Variants in HIVEP3 observed in about 807,000 individuals in gnomAD.
The protein encoded by HIVEP3 is HIVEP zinc finger 3, also known as transcription factor HIVEP3.
Under a neutral mutation model 152.8 loss-of-function variants are expected in HIVEP3, and 49 were observed. The ratio of observed to expected loss-of-function variants is 0.32; its 90% CI spans 0.26 to 0.41. The LOEUF is 0.41. Among genes scored for constraint, HIVEP3 ranks in the 10% least tolerant of loss-of-function variants. HIVEP3 has a pLI of 1.00. For synonymous variants in HIVEP3, 1,269 were observed against 1,289.0 expected, an observed-to-expected ratio of 0.98 and a Z score of 0.33; for missense variants, 2,790 against 3,103.3, an observed-to-expected ratio of 0.90 and a Z score of 2.40.
At chr1:42,017,453 C>T (rs1273734914) in intron 1 of HIVEP3, among the ~76,000 whole-genome samples, 1 of 152,130 alleles carries the variant, frequency 6.6e-6, no homozygotes, top group Admixed American at 6.5e-5. Context: ...TAAAAGTCCC[C>T]TTAATTCCCG....
intron 5 of HIVEP3, among the ~76,000 whole-genome samples, chr1:41,572,188 G>C (rs1644260055): frequency 6.6e-6 from 1 of 152,190 alleles, no homozygotes; most frequent in Non-Finnish European, 1.5e-5. Flanking sequence ...ATGCTCAGGA[G>C]GCATCAAAAC....
chr1:41,597,779 T>C (rs1180996527), intron 3 of HIVEP3, among the ~76,000 whole-genome samples: 1 of 152,204 alleles, frequency 6.6e-6, no homozygotes, highest in African/African-American at 2.4e-5. Context: ...GTTAACCTTT[T>C]TTTACCTTTC....
chr1:41,774,798 T>C (rs1183330022), intron 1 of HIVEP3, among the ~76,000 whole-genome samples: 4 of 151,322 alleles, frequency 2.6e-5, no homozygotes, highest in Non-Finnish European at 4.4e-5. Flanking sequence ...ATTTATTTAT[T>C]TATTTATTTA....
chr1:41,587,069 G>A (rs193179526), intron 3 of HIVEP3, among the ~76,000 whole-genome samples: 3 of 152,136 alleles, frequency 2.0e-5, no homozygotes, highest in Admixed American at 1.3e-4. Flanking sequence ...GGGAGATTTG[G>A]TCCATTATGG....
intron 5 of HIVEP3, among the ~76,000 whole-genome samples, chr1:41,534,945 G>A (rs1385642272): frequency 6.6e-6 from 1 of 152,180 alleles, no homozygotes; most frequent in Admixed American, 6.5e-5. Context: ...AGGTGACCTT[G>A]GGCAAGTCAC....
At chr1:42,021,406 G>A (rs1482574737) in intron 1 of HIVEP3, among the ~76,000 whole-genome samples, 1 of 152,134 alleles carries the variant, frequency 6.6e-6, no homozygotes, top group Non-Finnish European at 1.5e-5. Flanking sequence ...TTTGGCCTGG[G>A]AAACTGAGTG....
Position 41,872,763 on chromosome 1 carries a change from T to C in HIVEP3, c.-801+45650A>G, listed in dbSNP as rs146560260. ...CTTTTTATTACTGAATAATATCTAT[T>C]TGGGTGGACTGCAAGTTGCTTATCC... On this transcript the variant is annotated intron_variant, in intron 1 of 8. Coordinates refer to ENST00000372583, the MANE Select transcript of HIVEP3 (RefSeq NM_024503.5). 2.4e-3 allele frequency among the ~76,000 whole-genome samples: 372 copies of C among 152,342 alleles called. 2 individuals are homozygous for C. The highest frequency in any genetic ancestry group is 8.4e-3 in the African/African-American group (348 of 41,584).
At chr1:41,527,599 CGCATACTCT>C (rs1643035152) in intron 5 of HIVEP3, among the ~76,000 whole-genome samples, 1 of 142,148 alleles carries the variant, frequency 7.0e-6, no homozygotes, top group Admixed American at 6.9e-5. Context: ...CACACTCATT[CGCATACTCT>C]ACTCCCCACC....
chr1:41,600,922 T>C (rs574177271), intron 3 of HIVEP3, among the ~76,000 whole-genome samples: 3 of 152,304 alleles, frequency 2.0e-5, no homozygotes, highest in Admixed American at 6.5e-5. Context: ...GTGATTTTTA[T>C]GTATGGTTAA....
chr1:41,624,563 A>T (rs1352333430), intron 3 of HIVEP3, among the ~76,000 whole-genome samples: 1 of 152,166 alleles, frequency 6.6e-6, no homozygotes. Flanking sequence ...GTCATTTTTT[A>T]AATTCAGGAC....
At chr1:41,972,804 C>G (rs564443299) in intron 1 of HIVEP3, among the ~76,000 whole-genome samples, 1 of 152,290 alleles carries the variant, frequency 6.6e-6, no homozygotes, top group South Asian at 2.1e-4. Flanking sequence ...TAAATATTTA[C>G]TGATTTAAAT....
chr1:41,652,815 T>C (rs769231897), intron 2 of HIVEP3, among the ~76,000 whole-genome samples: 69 of 152,314 alleles, frequency 4.5e-4, no homozygotes, highest in South Asian at 1.0e-3. Context: ...TGGTCTTTAG[T>C]GGCATTTTAA....
At chr1:41,768,147 C>G (rs1211778134) in intron 1 of HIVEP3, among the ~76,000 whole-genome samples, 1 of 152,188 alleles carries the variant, frequency 6.6e-6, no homozygotes, top group East Asian at 1.9e-4. Flanking sequence ...ATAGACATAA[C>G]TGAGACTCGG....
intron 3 of HIVEP3, among the ~76,000 whole-genome samples, chr1:41,594,627 A>G (rs992442807): frequency 6.6e-6 from 1 of 152,352 alleles, no homozygotes; most frequent in Admixed American, 6.5e-5. Context: ...TCTGGTTTAC[A>G]TAAACTCTTT....
intron 5 of HIVEP3, among the ~76,000 whole-genome samples, chr1:41,539,788 T>C (rs1206953354): frequency 6.6e-6 from 1 of 152,248 alleles, no homozygotes; most frequent in African/African-American, 2.4e-5. Context: ...ATTATTATTT[T>C]TGCTAAAAAC....
intron 3 of HIVEP3, among the ~76,000 whole-genome samples, chr1:41,603,234 T>C (rs950207645): frequency 3.4e-4 from 51 of 151,964 alleles, no homozygotes; most frequent in Admixed American, 3.3e-3. Context: ...GCTCAGCTAC[T>C]TTTTTGTATC....
In HIVEP3 at chr1:41,510,023, G is replaced by A. The variant is rs1439287028; in HGVS notation, c.*428C>T. 1 of 153,660 alleles carries A rather than the reference G, an allele frequency of 6.5e-6. No individual in the cohort carries two copies. The highest frequency in any genetic ancestry group is 1.4e-5 in the Non-Finnish European group (1 of 69,292). 9.5% of individuals were successfully genotyped at this position (153,660 alleles called of 1,614,324 possible). A position where few individuals can be genotyped will look rare whatever the true frequency, so the allele number is the denominator to read the frequency against. On this transcript the variant is annotated 3_prime_UTR_variant, in exon 9 of 9. Transcript: ENST00000372583. ...GGAACCTTGATCGCATCTGTACACA[G>A]GAGTGCTTCCTTTTACATTTAATTC...
chr1:41,646,236 C>T (rs919197751), intron 2 of HIVEP3, among the ~76,000 whole-genome samples: 1 of 152,194 alleles, frequency 6.6e-6, no homozygotes, highest in African/African-American at 2.4e-5. Context: ...CCTTGTTTAA[C>T]CTCCAGCCTA....
chr1:41,726,004 T>C (rs1453157010), intron 1 of HIVEP3, among the ~76,000 whole-genome samples: 1 of 152,208 alleles, frequency 6.6e-6, no homozygotes, highest in African/African-American at 2.4e-5. Flanking sequence ...CAGCAGTCAT[T>C]GTCTGCAATC....
Sources: allele counts gnomAD v4.1 joint callset (sites outside exome capture counted in the v4.1 genomes callset), GRCh38; gene constraint gnomAD v4.1.1; transcripts MANE v1.5; gene names NCBI Gene and HGNC (gene_info 2026-07-23, HGNC 2026-07-21).